RAG1: variants seen among roughly 807,000 people sequenced by gnomAD.
RAG1 encodes recombination activating 1.
RAG1 carries 35 observed loss-of-function variants against 62.7 expected under a neutral mutation model. That is an observed-to-expected ratio of 0.56 (90% CI 0.43 to 0.74). The LOEUF is 0.74. RAG1 is among the 30% of genes least tolerant of loss of function. The probability of loss-of-function intolerance (pLI) is 0.00; values close to 1 mark genes in which losing one functional copy is unlikely to be tolerated. For missense variants in RAG1, 1,169 were observed against 1,278.6 expected (o/e 0.91, Z 1.31); for synonymous variants, 461 against 470.3 (o/e 0.98, Z 0.26).
chr11:36,526,769 C>A (rs1363246850), intron 2 of RAG1, among the ~76,000 whole-genome samples: 3 of 152,192 alleles, frequency 2.0e-5, no homozygotes, highest in Non-Finnish European at 4.4e-5. Context: ...TTAATGATTG[C>A]CAGTCTAACT....
intron 2 of RAG1, among the ~76,000 whole-genome samples, chr11:36,531,353 A>C (rs1860251764): frequency 1.3e-5 from 2 of 151,828 alleles, no homozygotes; most frequent in African/African-American, 4.8e-5. Context: ...TTATGGCTTA[A>C]GTCTGCTATT....
rs1190077440 is a variant in RAG1, at chr11:36,578,843, C to T, written c.*2407C>T. Reference sequence around the variant, plus strand: ...CCTATTGCAAGTGCAATTATATACTCCAGGGAAATTCACCACACTGAATCG... The same window carrying T: ...CCTATTGCAAGTGCAATTATATACTTCAGGGAAATTCACCACACTGAATCG... On this transcript the variant is annotated 3_prime_UTR_variant, in exon 2 of 2. Coordinates refer to ENST00000299440, the MANE Select transcript of RAG1 (RefSeq NM_000448.3). 1 of 167,036 alleles carries T rather than the reference C, an allele frequency of 6.0e-6. No individual in the cohort carries two copies. The highest frequency in any genetic ancestry group is 1.5e-5 in the Non-Finnish European group (1 of 68,126). The allele number at this position is 167,036 out of a possible 1,614,324, so 10.3% of individuals were successfully genotyped here.
chr11:36,514,957 G>C (rs569969487), intron 1 of RAG1, among the ~76,000 whole-genome samples: 1 of 152,350 alleles, frequency 6.6e-6, no homozygotes, highest in East Asian at 1.9e-4. Context: ...GCTGAAATAA[G>C]CTACATTTAT....
chr11:36,529,608 A>G (rs1171398318), intron 2 of RAG1, among the ~76,000 whole-genome samples: 5 of 152,118 alleles, frequency 3.3e-5, no homozygotes, highest in African/African-American at 1.2e-4. Context: ...CTCTCTCGCC[A>G]CTCCTATTCA....
At chr11:36,564,469 C>T (rs548469096), upstream of RAG1, among the ~76,000 whole-genome samples, 24 of 152,222 alleles carry the variant, frequency 1.6e-4, no homozygotes, top group Middle Eastern at 3.4e-3. Flanking sequence ...TTCTTCTTAG[C>T]CAGTTCATGG....
chr11:36,541,539 G>T (rs116074112), intron 3 of RAG1, among the ~76,000 whole-genome samples: 3,772 of 152,156 alleles, frequency 0.025, 134 homozygotes, highest in African/African-American at 0.076. Flanking sequence ...TTCACTAAAG[G>T]AAATAATGTA....
chr11:36,541,286 TAC>T (rs1860413902), intron 3 of RAG1, among the ~76,000 whole-genome samples: 1 of 152,230 alleles, frequency 6.6e-6, no homozygotes, highest in Non-Finnish European at 1.5e-5. Flanking sequence ...AATGACTCGT[TAC>T]ACACACAGGT....
chr11:36,532,939 A>G (rs1328757653), intron 2 of RAG1, among the ~76,000 whole-genome samples: 1 of 152,238 alleles, frequency 6.6e-6, no homozygotes, highest in Non-Finnish European at 1.5e-5. Context: ...GTATAAATGT[A>G]TAGGGTAAAA....
At chr11:36,536,144 T>C (rs1187500715), downstream of RAG1, 1 of 152,216 alleles carries the variant, frequency 6.6e-6, no homozygotes, top group African/African-American at 2.4e-5. Context: ...AAGGGAAGGA[T>C]AGGATTAAAA....
intron 1 of RAG1, among the ~76,000 whole-genome samples, chr11:36,570,333 G>A (rs1850722197): frequency 1.3e-5 from 2 of 152,256 alleles, no homozygotes; most frequent in African/African-American, 4.8e-5. Context: ...AACCATATAA[G>A]TAGTTTTAAT....
Position 36,574,911 on chromosome 11 carries a change from G to T in RAG1, c.1607G>T (p.Gly536Val). The change falls in exon 2 of 2, where the codon GGC becomes GTC. Residue 536 changes from glycine (G) to valine (V), a missense_variant. Gly to Val is a moderately radical substitution (Grantham distance 109, BLOSUM62 -3). Around this residue, in one of 2 missense-constraint regions of RAG1, gnomAD observed 800 missense variants for 943.3 expected, o/e 0.85. Transcript: ENST00000299440. ...AATGTGTCTTCCAGCACTGATGTTG[G>T]CATTATTGATGGGCTGTCTGGACTA... ...LKNVSSSTDV[G>V]IIDGLSGLSS... 1 of 1,614,202 alleles carries T rather than the reference G, an allele frequency of 6.2e-7. No homozygotes were observed. The highest frequency in any genetic ancestry group is 2.2e-5 in the East Asian group (1 of 44,882).
In RAG1 at chr11:36,576,397, A is replaced by G. The variant is rs760586412; in HGVS notation, c.3093A>G (p.Ile1031Met). ...PQASLGDPLG[I>M]EDSLESQDSM... Reference sequence around the variant, plus strand: ...CAAGCTTAGGGGACCCATTAGGCATAGAGGACTCTCTGGAAAGCCAAGATT... The same window carrying G: ...CAAGCTTAGGGGACCCATTAGGCATGGAGGACTCTCTGGAAAGCCAAGATT... Residue 1031 changes from isoleucine to methionine, a missense_variant, in exon 2 of 2, where the codon ATA becomes ATG. By Grantham distance (10) the Ile-to-Met change is conservative (BLOSUM62 1). Coordinates refer to ENST00000299440, the MANE Select transcript of RAG1 (RefSeq NM_000448.3). 2.8e-5 allele frequency: 45 copies of G among 1,614,084 alleles called. No individual in the cohort carries two copies. Among genetic ancestry groups the G allele is most frequent in the African/African-American group, 4.0e-5 (3 of 74,938 alleles).
At chr11:36,561,176 A>G (rs1850579388) in intron 3 of RAG1, among the ~76,000 whole-genome samples, 1 of 152,208 alleles carries the variant, frequency 6.6e-6, no homozygotes, top group Middle Eastern at 3.2e-3. Flanking sequence ...TTGGAGCACA[A>G]TGTGGGGCTG....
Position 36,575,177 on chromosome 11 carries a change from T to A in RAG1, c.1873T>A (p.Phe625Ile), listed in dbSNP as rs1430920906. 5.0e-6 allele frequency: 8 copies of A among 1,614,106 alleles called. No individual in the cohort carries two copies. Among genetic ancestry groups the A allele is most frequent in the Non-Finnish European group, 5.9e-6 (7 of 1,180,002 alleles). ...GPVVPEKAVR[F>I]SFTIMKITIA... ...TGTAGTTCCAGAAAAGGCAGTCCGT[T>A]TTTCATTCACAATCATGAAAATTAC... Residue 625 changes from phenylalanine to isoleucine, a missense_variant, in exon 2 of 2, where the codon TTT becomes ATT. Phe to Ile is a conservative substitution (Grantham distance 21). Coordinates refer to ENST00000299440, the MANE Select transcript of RAG1 (RefSeq NM_000448.3). This position sits in a 1 kb window ranked among gnomAD's most constrained non-coding sequence, Gnocchi z 4.1.
Position 36,573,527 on chromosome 11 carries a change from G to C in RAG1, c.223G>C (p.Val75Leu). ...GGACAAGGCTGATGGTCAGAAGCCA[G>C]TCCCAACTCAGCCATTGTTAAAAGC... ...VLDKADGQKP[V>L]PTQPLLKAHP... is the part of the protein sequence containing the mutation. Residue 75 changes from valine to leucine, a missense_variant, in exon 2 of 2, where the codon GTC (valine) becomes CTC (leucine). Coordinates refer to ENST00000299440, the MANE Select transcript of RAG1 (RefSeq NM_000448.3). The C allele has an allele frequency of 6.2e-7, 1 of 1,614,226 alleles. No individual in the cohort carries two copies. Among genetic ancestry groups the C allele is most frequent in the Non-Finnish European group, 8.5e-7 (1 of 1,180,052 alleles).
intron 1 of RAG1, among the ~76,000 whole-genome samples, chr11:36,512,599 C>A (rs1859941335): frequency 6.6e-6 from 1 of 152,192 alleles, no homozygotes; most frequent in African/African-American, 2.4e-5. Flanking sequence ...ATCCTGTCTT[C>A]TTTTCAGAGC....
At position 36,535,455 on chromosome 11, in the gene RAG1, T is replaced by C. The variant is rs566968736; in HGVS notation, n.429-504T>C. On this transcript the variant is annotated intron_variant and non_coding_transcript_variant, in intron 2 of 2. Coordinates refer to the RAG1 transcript ENST00000529126. ...TGTTAATTATAATATATGCATTGTT[T>C]AAATATATACTCACATATAGGCCAG... is the stretch of plus-strand genomic sequence containing the variant. 4.8e-4 allele frequency among the ~76,000 whole-genome samples: 73 copies of C among 152,304 alleles called. No individual in the cohort carries two copies. In the South Asian group the frequency reaches 0.015, roughly 31 times the overall value.
chr11:36,568,895 G>T (rs369426827), intron 1 of RAG1, among the ~76,000 whole-genome samples: 2 of 152,170 alleles, frequency 1.3e-5, no homozygotes, highest in African/African-American at 4.8e-5. Context: ...TTATAAAAAG[G>T]CTTTTTATTT....
upstream of RAG1, among the ~76,000 whole-genome samples, chr11:36,564,885 T>C (rs1027603203): frequency 2.0e-5 from 3 of 152,158 alleles, no homozygotes; most frequent in African/African-American, 7.2e-5. Flanking sequence ...CTAAGATGCA[T>C]CTTGGATGGG....
Sources: allele counts gnomAD v4.1 joint callset (sites outside exome capture counted in the v4.1 genomes callset), GRCh38; gene constraint gnomAD v4.1.1; regional missense constraint gnomAD v4.1.1; non-coding constraint Gnocchi (gnomAD v3.1); transcripts MANE v1.5; gene names NCBI Gene and HGNC (gene_info 2026-07-23, HGNC 2026-07-21).